Variants in NALF1 observed in about 807,000 individuals in gnomAD.
NALF1 encodes the protein NALCN channel auxiliary factor 1.
In NALF1, 3 loss-of-function variants were observed where a neutral mutation model predicts 48.4. That is an observed-to-expected ratio of 0.06 (90% confidence interval 0.03 to 0.16). The LOEUF (loss-of-function observed/expected upper bound fraction) is 0.16, where lower values mean the gene tolerates loss of function less well. Ranked by LOEUF, NALF1 falls within the 10% of genes least tolerant of loss-of-function variation. The pLI is 1.00. For missense variants in NALF1, 526 were observed against 571.5 expected, an observed-to-expected ratio of 0.92 and a Z score of 0.81; for synonymous variants, 262 against 245.7, an observed-to-expected ratio of 1.07 and a Z score of -0.62.
chr13:107,613,356 C>A (rs1400391167), intron 1 of NALF1, among the ~76,000 whole-genome samples: 1 of 152,166 alleles, frequency 6.6e-6, no homozygotes, highest in African/African-American at 2.4e-5. Flanking sequence ...TCCGCAATAA[C>A]CCTGACTGGG....
At position 107,520,089 on chromosome 13, in the gene NALF1, T is replaced by G. The variant is rs550198589; in HGVS notation, c.916-309334A>C. Among the ~76,000 whole-genome samples the G allele has an allele frequency of 3.3e-4, 50 of 152,332 alleles. 1 individual carries two copies. The highest frequency in any genetic ancestry group is 7.8e-4 in the Admixed American group (12 of 15,300). On this transcript the variant is annotated intron_variant, in intron 1 of 2. Transcript: ENST00000375915. ...CAACATTATAAATATTAATTGTAATTTTTACATGAGAAAATTATAGCACAC... is the reference window on the plus strand; with the variant it reads ...CAACATTATAAATATTAATTGTAATGTTTACATGAGAAAATTATAGCACAC...
intron 1 of NALF1, among the ~76,000 whole-genome samples, chr13:107,252,730 C>T (rs796322223): frequency 3.3e-5 from 5 of 152,302 alleles, no homozygotes; most frequent in African/African-American, 1.2e-4. Flanking sequence ...TTTGTTGTTA[C>T]TGTTACTACT....
At chr13:107,494,203 C>T (rs1255088059) in intron 1 of NALF1, among the ~76,000 whole-genome samples, 2 of 138,274 alleles carry the variant, frequency 1.4e-5, no homozygotes, top group Admixed American at 1.4e-4. Flanking sequence ...AACCGGTAGG[C>T]GAAAATTACC....
intron 1 of NALF1, among the ~76,000 whole-genome samples, chr13:107,655,407 T>C (rs1880550897): frequency 6.6e-6 from 1 of 151,806 alleles, no homozygotes; most frequent in Non-Finnish European, 1.5e-5. Flanking sequence ...CCTTTCCAAA[T>C]AGCTGCAAAA....
At chr13:107,490,687 C>T (rs904745994) in intron 1 of NALF1, among the ~76,000 whole-genome samples, 2 of 151,944 alleles carry the variant, frequency 1.3e-5, no homozygotes, top group African/African-American at 4.8e-5. Context: ...ATGTAACAAA[C>T]CTGCACATGT....
At chr13:107,722,287 T>C (rs1206514093) in intron 1 of NALF1, among the ~76,000 whole-genome samples, 1 of 152,140 alleles carries the variant, frequency 6.6e-6, no homozygotes, top group African/African-American at 2.4e-5. Context: ...TCTGAGAACC[T>C]AGATCCTTTT....
intron 1 of NALF1, among the ~76,000 whole-genome samples, chr13:107,825,868 C>A (rs183979717): frequency 2.8e-4 from 42 of 152,342 alleles, no homozygotes; most frequent in African/African-American, 9.6e-4. Flanking sequence ...GCAACCTCCA[C>A]CTCCTGGGTT....
chr13:107,359,001 G>T (rs113201664), intron 1 of NALF1, among the ~76,000 whole-genome samples: 287 of 152,134 alleles, frequency 1.9e-3, no homozygotes, highest in African/African-American at 6.4e-3. Context: ...GAACTATTTT[G>T]CCAAATCTCC....
intron 1 of NALF1, among the ~76,000 whole-genome samples, chr13:107,390,503 C>T (rs186470204): frequency 1.3e-5 from 2 of 152,032 alleles, no homozygotes; most frequent in East Asian, 1.9e-4. Flanking sequence ...AAGCCAAAAA[C>T]ATTAGAACAG....
At chr13:107,281,424 T>A (rs533341727) in intron 1 of NALF1, among the ~76,000 whole-genome samples, 1 of 152,176 alleles carries the variant, frequency 6.6e-6, no homozygotes, top group East Asian at 1.9e-4. Context: ...GAGGGGAAAA[T>A]ATTTCAAGGA....
chr13:107,547,439 C>T (rs1449744252), intron 1 of NALF1, among the ~76,000 whole-genome samples: 1 of 152,086 alleles, frequency 6.6e-6, no homozygotes, highest in Non-Finnish European at 1.5e-5. Context: ...AATTTTTAAA[C>T]AATTGTTGAA....
At chr13:107,320,699 T>C (rs1002487150) in intron 1 of NALF1, among the ~76,000 whole-genome samples, 2 of 152,100 alleles carry the variant, frequency 1.3e-5, no homozygotes, top group African/African-American at 4.8e-5. Flanking sequence ...GAAAAGGATC[T>C]ACGACAGGAC....
intron 1 of NALF1, among the ~76,000 whole-genome samples, chr13:107,666,242 C>T (rs1880855007): frequency 6.6e-6 from 1 of 152,082 alleles, no homozygotes; most frequent in Non-Finnish European, 1.5e-5. Flanking sequence ...AGAAAGTCAT[C>T]AGGCAAAATG....
At chr13:107,651,241 C>T (rs566613913) in intron 1 of NALF1, among the ~76,000 whole-genome samples, 4 of 152,244 alleles carry the variant, frequency 2.6e-5, no homozygotes, top group East Asian at 1.9e-4. Flanking sequence ...CATTTAGTCC[C>T]GGGCTGTTTC....
intron 1 of NALF1, among the ~76,000 whole-genome samples, chr13:107,548,799 T>C (rs889597938): frequency 2.0e-5 from 3 of 151,990 alleles, no homozygotes; most frequent in Non-Finnish European, 4.4e-5. Flanking sequence ...GAGGAATATC[T>C]AGCCATACAC....
intron 1 of NALF1, among the ~76,000 whole-genome samples, chr13:107,257,096 G>T (rs1014062118): frequency 8.5e-5 from 13 of 152,082 alleles, no homozygotes; most frequent in Non-Finnish European, 1.5e-4. Flanking sequence ...GAGACAGAGA[G>T]ACAGAAGGGG....
chr13:107,599,300 T>C (rs1594151721), intron 1 of NALF1, among the ~76,000 whole-genome samples: 1 of 151,826 alleles, frequency 6.6e-6, no homozygotes, highest in African/African-American at 2.4e-5. Context: ...CGGGCATCTG[T>C]AGTCCCAGCT....
chr13:107,229,572 C>G (rs1880177454), intron 1 of NALF1, among the ~76,000 whole-genome samples: 1 of 152,092 alleles, frequency 6.6e-6, no homozygotes, highest in African/African-American at 2.4e-5. Flanking sequence ...GTAAGGAGTC[C>G]ACAGGAGATT....
intron 1 of NALF1, among the ~76,000 whole-genome samples, chr13:107,328,521 T>G (rs528320693): frequency 2.0e-5 from 3 of 152,218 alleles, no homozygotes; most frequent in Non-Finnish European, 2.9e-5. Context: ...ATTTTCCTTC[T>G]GTTAAATAAA....
Sources: gnomAD v4.1 joint callset for allele counts (sites outside exome capture counted in the v4.1 genomes callset) on GRCh38, gnomAD v4.1.1 for gene constraint, MANE v1.5 for transcripts, NCBI Gene and HGNC (gene_info 2026-07-23, HGNC 2026-07-21) for gene names.